The following FHIT variants were observed in gnomAD, a reference collection of about 807,000 sequenced individuals.
FHIT encodes the protein bis(5'-adenosyl)-triphosphatase.
In FHIT, 19 loss-of-function variants were observed where a neutral mutation model predicts 17.9. The observed-to-expected ratio is 1.06, with a 90% CI of 0.74 to 1.56. The LOEUF (loss-of-function observed/expected upper bound fraction) is 1.56, where lower values mean the gene tolerates loss of function less well. Among genes scored for constraint, FHIT ranks in the 40% most tolerant of loss-of-function variants. The probability of loss-of-function intolerance (pLI) is 0.00; values close to 1 mark genes in which losing one functional copy is unlikely to be tolerated. For synonymous variants in FHIT, 81 were observed against 69.7 expected, an observed-to-expected ratio of 1.16 and a Z score of -0.81; for missense variants, 248 against 189.2, an observed-to-expected ratio of 1.31 and a Z score of -1.82.
At chr3:59,822,810 T>C (rs1443171599) in intron 8 of FHIT, among the ~76,000 whole-genome samples, 1 of 152,208 alleles carries the variant, frequency 6.6e-6, no homozygotes. Context: ...TTTAATTAAG[T>C]CCCACCTATT....
At chr3:61,055,018 A>C (rs1360402757) in intron 2 of FHIT, among the ~76,000 whole-genome samples, 1 of 152,132 alleles carries the variant, frequency 6.6e-6, no homozygotes, top group Non-Finnish European at 1.5e-5. Context: ...AACAGGGCAC[A>C]TTACACGTGC....
At chr3:60,752,489 T>C (rs1328226346) in intron 4 of FHIT, among the ~76,000 whole-genome samples, 5 of 152,150 alleles carry the variant, frequency 3.3e-5, no homozygotes, top group Non-Finnish European at 4.4e-5. Context: ...GGCCAGTCCC[T>C]CTCTGATTGA....
intron 5 of FHIT, among the ~76,000 whole-genome samples, chr3:60,311,501 A>C (rs930415004): frequency 2.0e-5 from 3 of 152,166 alleles, no homozygotes; most frequent in Non-Finnish European, 4.4e-5. Flanking sequence ...TGTTTTTCCA[A>C]ACACAAGACT....
chr3:59,987,818 A>C (rs1709052277), intron 7 of FHIT, among the ~76,000 whole-genome samples: 1 of 152,032 alleles, frequency 6.6e-6, no homozygotes, highest in Non-Finnish European at 1.5e-5. Flanking sequence ...GGGATATTTC[A>C]AGGAAAGAAA....
At chr3:59,940,197 G>C (rs1460428745) in intron 7 of FHIT, among the ~76,000 whole-genome samples, 1 of 152,068 alleles carries the variant, frequency 6.6e-6, no homozygotes, top group Non-Finnish European at 1.5e-5. Flanking sequence ...CTAGTACTTG[G>C]AACTTAGTAA....
chr3:60,478,135 C>G (rs968813674), intron 5 of FHIT, among the ~76,000 whole-genome samples: 4 of 152,124 alleles, frequency 2.6e-5, no homozygotes, highest in African/African-American at 4.8e-5. Flanking sequence ...ACTGGATAAG[C>G]GCCCTATTTC....
intron 3 of FHIT, among the ~76,000 whole-genome samples, chr3:60,893,967 T>G (rs1160650786): frequency 6.6e-6 from 1 of 152,212 alleles, no homozygotes; most frequent in Non-Finnish European, 1.5e-5. Context: ...TCTAGAATAA[T>G]GGGAAAGGTT....
Position 60,000,631 on chromosome 3 carries a change from C to T in FHIT, c.279+10740G>A, listed in dbSNP as rs182935554. ...GAATGCTAGAGGGACAACCACAGTG[C>T]CTAAGATAGACATGAGAGAAAATCC... On this transcript the variant is annotated intron_variant, in intron 7 of 9. Transcript: ENST00000492590. Among the ~76,000 whole-genome samples the T allele has an allele frequency of 8.4e-3, 1,269 of 151,878 alleles. 15 individuals carry two copies. Among genetic ancestry groups the T allele is most frequent in the South Asian group, 0.035 (167 of 4,792 alleles).
At chr3:60,009,932 T>C (rs3915503) in intron 7 of FHIT, among the ~76,000 whole-genome samples, 78,135 of 151,980 alleles carry the variant, frequency 0.51, 20,886 homozygotes, top group Non-Finnish European at 0.59. Context: ...TCTATTCATA[T>C]AAGTTTTAGC....
intron 5 of FHIT, among the ~76,000 whole-genome samples, chr3:60,534,326 G>C (rs765352141): frequency 1.3e-4 from 19 of 149,110 alleles, no homozygotes; most frequent in South Asian, 6.6e-4. Context: ...CCAGCTACTC[G>C]GGAGGCTGAG....
chr3:60,476,022 GTCA>G (rs2033326867), intron 5 of FHIT, among the ~76,000 whole-genome samples: 1 of 152,158 alleles, frequency 6.6e-6, no homozygotes, highest in African/African-American at 2.4e-5. Context: ...TAGTAGAGCT[GTCA>G]TCATCATTAC....
chr3:59,892,182 T>C (rs1703881596), intron 8 of FHIT, among the ~76,000 whole-genome samples: 1 of 152,168 alleles, frequency 6.6e-6, no homozygotes, highest in Admixed American at 6.6e-5. Context: ...TTTTACATCA[T>C]CGGGAGGGAC....
At chr3:60,354,011 T>G (rs866266614) in intron 5 of FHIT, among the ~76,000 whole-genome samples, 1 of 152,178 alleles carries the variant, frequency 6.6e-6, no homozygotes, top group African/African-American at 2.4e-5. Flanking sequence ...CAGAGACTTA[T>G]GTAGTAGGAT....
chr3:60,910,170 A>T (rs1706661559), intron 3 of FHIT, among the ~76,000 whole-genome samples: 1 of 152,152 alleles, frequency 6.6e-6, no homozygotes, highest in Admixed American at 6.5e-5. Context: ...AATCTAACCA[A>T]TCAAAATCTT....
chr3:59,904,649 T>C (rs1206615464), intron 8 of FHIT, among the ~76,000 whole-genome samples: 1 of 152,094 alleles, frequency 6.6e-6, no homozygotes, highest in Non-Finnish European at 1.5e-5. Context: ...GTACCCGTGT[T>C]TGGTGGTTCC....
chr3:61,077,193 G>A (rs1258446768), intron 2 of FHIT, among the ~76,000 whole-genome samples: 1 of 152,094 alleles, frequency 6.6e-6, no homozygotes, highest in Non-Finnish European at 1.5e-5. Context: ...AATTAATTCT[G>A]CCTAAGATAA....
At chr3:60,576,946 G>GCACACACACACACA (rs1405117424) in intron 4 of FHIT, among the ~76,000 whole-genome samples, 2 of 32,742 alleles carry the variant, frequency 6.1e-5, no homozygotes, top group Admixed American at 9.6e-4. Context: ...GCATCCATTT[G>GCACACACACACACA]CATACACACA....
intron 4 of FHIT, among the ~76,000 whole-genome samples, chr3:60,638,519 T>G (rs1207992931): frequency 6.6e-6 from 1 of 152,142 alleles, no homozygotes; most frequent in South Asian, 2.1e-4. Context: ...CTTGGGGAAC[T>G]CTTAAAAATC....
intron 5 of FHIT, among the ~76,000 whole-genome samples, chr3:60,066,594 G>A (rs766021229): frequency 1.6e-4 from 20 of 128,930 alleles, no homozygotes; most frequent in Non-Finnish European, 3.1e-4. Flanking sequence ...ACTGTTCACT[G>A]ACTATTTGTT....
Sources: allele counts gnomAD v4.1 joint callset (sites outside exome capture counted in the v4.1 genomes callset), GRCh38; gene constraint gnomAD v4.1.1; transcripts MANE v1.5; gene names NCBI Gene and HGNC (gene_info 2026-07-23, HGNC 2026-07-21).